Variants in KCNT1 observed in about 807,000 individuals in gnomAD.
The protein encoded by KCNT1 is potassium channel subfamily T member 1.
A neutral mutation model predicts 147.8 loss-of-function variants in KCNT1; 78 were observed. The observed-to-expected ratio is 0.53, with a 90% confidence interval of 0.44 to 0.64. KCNT1 has a LOEUF of 0.64. KCNT1 is among the 30% of genes least tolerant of loss of function. The pLI is 0.00. For synonymous variants in KCNT1, 867 were observed against 748.8 expected (o/e 1.16, Z -2.58); for missense variants, 1,419 against 1,750.3 (o/e 0.81, Z 3.38).
In KCNT1 at chr9:135,714,724, G is replaced by A; in HGVS notation, c.254+4G>A. 1 of 1,386,700 alleles carries A rather than the reference G, an allele frequency of 7.2e-7. No individual in the cohort carries two copies. Among genetic ancestry groups the A allele is most frequent in the Non-Finnish European group, 9.5e-7 (1 of 1,057,008 alleles). 85.9% of individuals were successfully genotyped at this position (1,386,700 alleles called of 1,614,324 possible). The stretch of plus-strand genomic sequence containing the variant: ...CGTCCTTCCAGAACGACGACAGGTA[G>A]GGACCGGGCGCGGGGTGGGGGCTGG... On this transcript the variant is annotated splice_donor_region_variant and intron_variant, in intron 2 of 30. Transcript: ENST00000371757. The surrounding 1 kb of genome is among the most constrained non-coding windows in gnomAD (Gnocchi z 6.2).
At chr9:135,780,357 G>A (rs750011506) in intron 24 of KCNT1, among the ~76,000 whole-genome samples, 2 of 152,310 alleles carry the variant, frequency 1.3e-5, no homozygotes, top group South Asian at 4.1e-4. Flanking sequence ...TGACACCGTG[G>A]AGGATCTACT....
At chr9:135,754,633 G>A (rs1340130500) in intron 5 of KCNT1, among the ~76,000 whole-genome samples, 1 of 152,216 alleles carries the variant, frequency 6.6e-6, no homozygotes, top group Non-Finnish European at 1.5e-5. Flanking sequence ...GCCTGTTTAT[G>A]GATGAGGAAC....
At position 135,794,240 on chromosome 9, in the gene KCNT1, T is replaced by C. The variant is rs1381204349; in HGVS notation, c.*2079T>C. The C allele has an allele frequency of 2.0e-5, 3 of 152,258 alleles. No individual in the cohort carries two copies. Among genetic ancestry groups the C allele is most frequent in the African/African-American group, 7.2e-5 (3 of 41,430 alleles). The allele number at this position is 152,258 out of a possible 1,614,324, so 9.4% of individuals were successfully genotyped here. On this transcript the variant is annotated 3_prime_UTR_variant, in exon 31 of 31. Coordinates refer to ENST00000371757, the MANE Select transcript of KCNT1 (RefSeq NM_020822.3). The stretch of plus-strand genomic sequence containing the variant: ...GATTGACTTGCGATGTGGATGGTGT[T>C]CCCGGAGTCCCCTGTGGCCACTCCA...
At chr9:135,765,313 A>G (rs1054074577) in intron 12 of KCNT1, 118 bp downstream of exon 12, 3 of 989,360 alleles carry the variant, frequency 3.0e-6, no homozygotes, top group Admixed American at 2.2e-5. Flanking sequence ...TTACCCCTTC[A>G]GTGAGGGCAG....
In KCNT1 at chr9:135,765,618, C is replaced by T. The variant is rs543464639; in HGVS notation, c.1201-6C>T. The T allele has an allele frequency of 2.1e-4, 339 of 1,604,008 alleles. 1 individual carries two copies. The East Asian group carries it at 5.0e-3, about 24-fold the overall frequency. ...CAGAGGGTCTGACCCTCCGCCTGGC[C>T]GGCAGGACTATTACGTGGTCATCCT... On this transcript the variant is annotated splice_polypyrimidine_tract_variant and splice_region_variant and intron_variant, in intron 12 of 30. Transcript: ENST00000371757.
At chr9:135,737,224 G>A (rs1017836588) in intron 2 of KCNT1, among the ~76,000 whole-genome samples, 1 of 152,204 alleles carries the variant, frequency 6.6e-6, no homozygotes, top group African/African-American at 2.4e-5. Flanking sequence ...CAGGGCTCAG[G>A]CTGCCTGGGG....
chr9:135,748,726 C>T (rs945136012), intron 2 of KCNT1, among the ~76,000 whole-genome samples: 4 of 152,262 alleles, frequency 2.6e-5, no homozygotes, highest in African/African-American at 7.2e-5. Flanking sequence ...CTCCAGGCTC[C>T]GCTGTCTGTC....
chr9:135,775,511 G>A (rs764018982), intron 20 of KCNT1, 96 bp downstream of exon 20: 224 of 880,602 alleles, frequency 2.5e-4, no homozygotes, highest in Non-Finnish European at 3.5e-4. Context: ...TTTACATTTC[G>A]ATACCATTGC....
intron 13 of KCNT1, among the ~76,000 whole-genome samples, chr9:135,767,215 TTTG>T (rs1296565121): frequency 2.6e-5 from 4 of 152,056 alleles, no homozygotes; most frequent in African/African-American, 7.2e-5. Context: ...CGCCACCTCT[TTTG>T]TGGTCCCGTC....
chr9:135,704,395 A>G (rs1835165625), intron 1 of KCNT1, among the ~76,000 whole-genome samples: 1 of 152,212 alleles, frequency 6.6e-6, no homozygotes, highest in East Asian at 1.9e-4. Context: ...CCTCAAGGCC[A>G]TCAGGCCGGA....
At chr9:135,773,380 C>T (rs995197197) in intron 19 of KCNT1, among the ~76,000 whole-genome samples, 1 of 152,216 alleles carries the variant, frequency 6.6e-6, no homozygotes, top group East Asian at 1.9e-4. Flanking sequence ...CCAGGCCATC[C>T]TCCACCCAGT....
chr9:135,750,289 G>A (rs927419823), intron 3 of KCNT1, 112 bp downstream of exon 3: 3 of 847,316 alleles, frequency 3.5e-6, no homozygotes, highest in Admixed American at 2.0e-5. Flanking sequence ...AGTCCATGGG[G>A]TGGGAGCCAC....
chr9:135,777,190 G>A, intron 20 of KCNT1, 148 bp from the exon 21 acceptor site: 2 of 769,256 alleles, frequency 2.6e-6, no homozygotes, highest in Non-Finnish European at 4.2e-6. Context: ...CTCCCCACAG[G>A]CGTGTGCAGG....
At chr9:135,771,204 G>T (rs1435707174) in intron 18 of KCNT1, 109 bp downstream of exon 18, 10 of 1,040,198 alleles carry the variant, frequency 9.6e-6, no homozygotes, top group Non-Finnish European at 1.4e-5. Context: ...CAGGACAGGG[G>T]GAGGTGACCA....
At chr9:135,780,583 T>A (rs1833539937) in intron 24 of KCNT1, among the ~76,000 whole-genome samples, 1 of 152,046 alleles carries the variant, frequency 6.6e-6, no homozygotes, top group East Asian at 1.9e-4. Flanking sequence ...AACAGGGGCT[T>A]CTGCCTTAGA....
rs10735240 is a variant in KCNT1 at position 135,770,619 on chromosome 9, G to T, written c.1769+172G>T. Among the ~76,000 whole-genome samples, 81,572 of 152,056 alleles carry T rather than the reference G, an allele frequency of 0.54. 22,435 individuals carry two copies. Among genetic ancestry groups the T allele is most frequent in the African/African-American group, 0.65 (27,012 of 41,478 alleles). On this transcript the variant is annotated intron_variant, in intron 17 of 30. Coordinates refer to ENST00000371757, the MANE Select transcript of KCNT1 (RefSeq NM_020822.3). ...GGGCAGCCGCAGGACTGGGCTCCGGGTCCACATAAAAACCTGCCACGCGGC... is the reference window on the plus strand; with the variant it reads ...GGGCAGCCGCAGGACTGGGCTCCGGTTCCACATAAAAACCTGCCACGCGGC...
intron 2 of KCNT1, among the ~76,000 whole-genome samples, chr9:135,745,065 C>G (rs1021634000): frequency 5.9e-5 from 9 of 152,220 alleles, no homozygotes; most frequent in Admixed American, 1.3e-4. Context: ...ATGCAGCACC[C>G]GCTGCCGGGT....
At chr9:135,703,121 T>TC (rs1564305529) in intron 1 of KCNT1, 2 of 152,544 alleles carry the variant, frequency 1.3e-5, no homozygotes, top group African/African-American at 4.8e-5. Context: ...CCCCATCCTC[T>TC]CCCCCATCCC....
chr9:135,750,016 C>A, intron 2 of KCNT1, 82 bp from the exon 3 acceptor site: 2 of 1,090,814 alleles, frequency 1.8e-6, no homozygotes, highest in Non-Finnish European at 2.8e-6. Context: ...TGGAAGAAGT[C>A]AGTCAGGTTG....
Sources: gnomAD v4.1 joint callset for allele counts (sites outside exome capture counted in the v4.1 genomes callset) on GRCh38, gnomAD v4.1.1 for gene constraint, Gnocchi (gnomAD v3.1) non-coding constraint, MANE v1.5 for transcripts, NCBI Gene and HGNC (gene_info 2026-07-23, HGNC 2026-07-21) for gene names.